Variants in MGAT5B observed in about 807,000 individuals in gnomAD.
MGAT5B encodes N-acetylglucosaminyl-transferase Vb.
A neutral mutation model predicts 95.1 loss-of-function variants in MGAT5B; 54 were observed. That is an observed-to-expected ratio of 0.57 (90% CI 0.46 to 0.71). The LOEUF (loss-of-function observed/expected upper bound fraction) is 0.71. Ranked by LOEUF, MGAT5B falls within the 30% of genes least tolerant of loss-of-function variation. The pLI, the probability that MGAT5B is intolerant of heterozygous loss-of-function variation, is 0.00. For missense variants in MGAT5B, 935 were observed against 1,088.6 expected (o/e 0.86, Z 1.99); for synonymous variants, 464 against 451.0 (o/e 1.03, Z -0.36).
At chr17:76,878,627 A>G (rs1967286702) in intron 2 of MGAT5B, among the ~76,000 whole-genome samples, 1 of 152,020 alleles carries the variant, frequency 6.6e-6, no homozygotes, top group African/African-American at 2.4e-5. Context: ...GGCACATGCC[A>G]CCATGCCCAG....
intron 8 of MGAT5B, among the ~76,000 whole-genome samples, chr17:76,922,026 C>G (rs1969138920): frequency 6.6e-6 from 1 of 152,182 alleles, no homozygotes; most frequent in Non-Finnish European, 1.5e-5. Flanking sequence ...CTTAGAACCG[C>G]AGCGTGGTGG....
chr17:76,936,356 C>T (rs531638732), intron 12 of MGAT5B, among the ~76,000 whole-genome samples: 2 of 152,286 alleles, frequency 1.3e-5, no homozygotes, highest in Non-Finnish European at 2.9e-5. Context: ...TGCAGTGAGT[C>T]GAGATCGCAC....
intron 3 of MGAT5B, among the ~76,000 whole-genome samples, chr17:76,888,956 G>A (rs2145152497): frequency 6.6e-6 from 1 of 152,374 alleles, no homozygotes; most frequent in East Asian, 1.9e-4. Context: ...TTGGTCCCTT[G>A]GGACAGTGCC....
chr17:76,906,199 G>A lies in MGAT5B; in HGVS notation c.1025+12G>A, dbSNP rs769401512. ...AAGGAGCTGCAGAGGTGAGTGCTGG[G>A]GAAAGCCACTGGCATTAAGTGGGGC... On this transcript the variant is annotated intron_variant, in intron 8 of 17. Coordinates refer to ENST00000569840, the MANE Select transcript of MGAT5B (RefSeq NM_001199172.2). The surrounding 1 kb of genome is among the most constrained non-coding windows in gnomAD (Gnocchi z 4.6). 1 of 1,589,568 alleles carries A rather than the reference G, an allele frequency of 6.3e-7. No homozygotes were observed. The highest frequency in any genetic ancestry group is 2.4e-5 in the East Asian group (1 of 42,126).
chr17:76,933,194 C>T (rs1969550553), intron 11 of MGAT5B, 98 bp from the exon 12 acceptor site: 1 of 1,524,984 alleles, frequency 6.6e-7, no homozygotes, highest in Non-Finnish European at 9.0e-7. Flanking sequence ...GGTTGGGGGC[C>T]CCAGAGAGGA....
At chr17:76,943,057 C>T (rs537997483) in intron 15 of MGAT5B, among the ~76,000 whole-genome samples, 6 of 151,926 alleles carry the variant, frequency 3.9e-5, no homozygotes, top group Non-Finnish European at 7.4e-5. Context: ...GCCCAGAAAG[C>T]GGGGTCGGGG....
At chr17:76,946,336 G>A in intron 15 of MGAT5B, 40 bp from the exon 16 acceptor site, 4 of 1,558,360 alleles carry the variant, frequency 2.6e-6, no homozygotes, top group Non-Finnish European at 3.5e-6. Flanking sequence ...CGACGGCTGG[G>A]CCTTCTCCCG....
chr17:76,927,734 G>A (rs1969359392), intron 10 of MGAT5B, among the ~76,000 whole-genome samples: 1 of 152,228 alleles, frequency 6.6e-6, no homozygotes, highest in Non-Finnish European at 1.5e-5. Flanking sequence ...GGTTCACGCT[G>A]CGCTCTTCCA....
At chr17:76,922,559 C>T (rs1255869071) in intron 8 of MGAT5B, among the ~76,000 whole-genome samples, 1 of 152,208 alleles carries the variant, frequency 6.6e-6, no homozygotes, top group Non-Finnish European at 1.5e-5. Context: ...AACACTTAAA[C>T]CTACCACCAA....
intron 3 of MGAT5B, among the ~76,000 whole-genome samples, chr17:76,893,447 C>T (rs555223203): frequency 1.2e-4 from 19 of 152,294 alleles, no homozygotes; most frequent in African/African-American, 3.1e-4. Flanking sequence ...CAGAAGCAGC[C>T]GGTTCAAGCT....
chr17:76,932,898 A>G (rs1454219995), intron 11 of MGAT5B, 123 bp downstream of exon 11: 14 of 1,408,234 alleles, frequency 9.9e-6, no homozygotes, highest in Non-Finnish European at 1.3e-5. Context: ...CATGCTGGAA[A>G]TGTCTCCCAT....
At position 76,901,363 on chromosome 17, in the gene MGAT5B, G is replaced by A. The variant is rs55827521; in HGVS notation, c.330-1192G>A. Among the ~76,000 whole-genome samples, 788 of 151,764 alleles carry A rather than the reference G, an allele frequency of 5.2e-3. 5 individuals carry two copies. Among genetic ancestry groups the A allele is most frequent in the African/African-American group, 0.017 (712 of 41,296 alleles). ...GCTTAAACTGGGCCTGCAAAGCCACGGGGTGAGGTGAGAATCAAAGGAAAC... is the reference window on the plus strand; with the variant it reads ...GCTTAAACTGGGCCTGCAAAGCCACAGGGTGAGGTGAGAATCAAAGGAAAC... On this transcript the variant is annotated intron_variant, in intron 3 of 17. Transcript: ENST00000569840.
intron 4 of MGAT5B, 103 bp downstream of exon 4, chr17:76,902,773 C>T: frequency 1.1e-6 from 1 of 894,036 alleles, no homozygotes; most frequent in Non-Finnish European, 1.7e-6. Flanking sequence ...TGGCCGACTT[C>T]TCCTGACAGC....
chr17:76,926,860 A>G, intron 10 of MGAT5B, 130 bp downstream of exon 10: 1 of 1,149,922 alleles, frequency 8.7e-7, no homozygotes, highest in Non-Finnish European at 1.2e-6. Context: ...GGTGGGACCC[A>G]GCAAGCATCG....
Position 76,938,200 on chromosome 17 carries a change from A to G in MGAT5B, c.1584+57A>G. On this transcript the variant is annotated intron_variant, in intron 13 of 17. Transcript: ENST00000569840. The surrounding 1 kb of genome is among the most constrained non-coding windows in gnomAD (Gnocchi z 4.3). ...CTTGCCGGCTGCAGACACTGAGGTC[A>G]CCACCCATGCCTGCCACCACCACTC... The G allele has an allele frequency of 6.3e-7, 1 of 1,593,170 alleles. No homozygotes were observed. Among genetic ancestry groups the G allele is most frequent in the Non-Finnish European group, 8.6e-7 (1 of 1,166,806 alleles).
chr17:76,940,923 G>T lies in MGAT5B; in HGVS notation c.1848+75G>T, dbSNP rs1599003453. On this transcript the variant is annotated intron_variant, in intron 15 of 17. Transcript: ENST00000569840. This position sits in a 1 kb window ranked among gnomAD's most constrained non-coding sequence, Gnocchi z 4.3. ...GTCTTCACTCTGATTAGAAAACGGT[G>T]CCCCCCTCTGGGTGAGTTCAGACTT... is the stretch of plus-strand genomic sequence containing the variant. 7.6e-7 allele frequency: 1 copy of T among 1,311,238 alleles called. No individual in the cohort carries two copies. 81.2% of individuals were successfully genotyped at this position (1,311,238 alleles called of 1,614,324 possible). A position where few individuals can be genotyped will look rare whatever the true frequency, so the allele number is the denominator to read the frequency against.
chr17:76,908,652 A>G (rs1459515835), intron 8 of MGAT5B, among the ~76,000 whole-genome samples: 1 of 152,128 alleles, frequency 6.6e-6, no homozygotes, highest in Non-Finnish European at 1.5e-5. Flanking sequence ...ATATTTTGCT[A>G]CATGCATCCA....
intron 3 of MGAT5B, among the ~76,000 whole-genome samples, chr17:76,894,130 C>A (rs947281599): frequency 6.6e-6 from 1 of 152,168 alleles, no homozygotes; most frequent in African/African-American, 2.4e-5. Flanking sequence ...GCACTTGTGT[C>A]CAGGCATTCA....
At chr17:76,871,752 A>G (rs952578252) in intron 1 of MGAT5B, among the ~76,000 whole-genome samples, 2 of 151,958 alleles carry the variant, frequency 1.3e-5, no homozygotes, top group African/African-American at 4.8e-5. Flanking sequence ...TCCACACAAG[A>G]TGGGGTTCCT....
Sources: gnomAD v4.1 joint callset for allele counts (sites outside exome capture counted in the v4.1 genomes callset) on GRCh38, gnomAD v4.1.1 for gene constraint, Gnocchi (gnomAD v3.1) non-coding constraint, MANE v1.5 for transcripts, NCBI Gene and HGNC (gene_info 2026-07-23, HGNC 2026-07-21) for gene names.